The following GFPT1 variants were observed in gnomAD, a reference collection of about 807,000 sequenced individuals.
The protein encoded by GFPT1 is glutamine--fructose-6-phosphate aminotransferase [isomerizing] 1.
GFPT1 carries 40 observed loss-of-function variants against 92.0 expected under a neutral mutation model. The ratio of observed to expected loss-of-function variants is 0.43; its 90% CI spans 0.34 to 0.57. The LOEUF (loss-of-function observed/expected upper bound fraction) is 0.57. GFPT1 is among the 20% of genes least tolerant of loss of function. The pLI is 0.02. For missense variants in GFPT1, 448 were observed against 869.1 expected, an observed-to-expected ratio of 0.52 and a Z score of 6.09; for synonymous variants, 269 against 280.6, an observed-to-expected ratio of 0.96 and a Z score of 0.41.
chr2:69,367,193 T>C (rs1028678068), intron 3 of GFPT1, among the ~76,000 whole-genome samples: 1 of 152,236 alleles, frequency 6.6e-6, no homozygotes, highest in African/African-American at 2.4e-5. Flanking sequence ...TATGTTAACA[T>C]GAGACCATAA....
At chr2:69,377,755 A>C (rs1025256574) in intron 1 of GFPT1, among the ~76,000 whole-genome samples, 1 of 152,260 alleles carries the variant, frequency 6.6e-6, no homozygotes, top group African/African-American at 2.4e-5. Context: ...ATGGGAGCTA[A>C]GAAGTTGAAC....
chr2:69,332,213 A>C (rs1320002445), intron 15 of GFPT1, among the ~76,000 whole-genome samples: 2 of 151,978 alleles, frequency 1.3e-5, no homozygotes, highest in Non-Finnish European at 2.9e-5. Context: ...TGTGCTAGGA[A>C]TTTAATGCTA....
At chr2:69,333,659 G>A (rs1291001936) in intron 15 of GFPT1, among the ~76,000 whole-genome samples, 2 of 152,090 alleles carry the variant, frequency 1.3e-5, no homozygotes, top group Admixed American at 1.3e-4. Context: ...CTAAACACCT[G>A]CAATAACATA....
chr2:69,363,426 G>T, intron 4 of GFPT1, 119 bp downstream of exon 4: 2 of 1,081,838 alleles, frequency 1.8e-6, no homozygotes, highest in Non-Finnish European at 1.4e-6. Flanking sequence ...TACTACTTCT[G>T]AATGTTTGAA....
rs1399148300 is a variant in GFPT1, at chr2:69,387,077, C to T, written c.-6G>A. ...CCGGCCCCCTTACCACACATGATGCCGGAGACACGGCCCGCGAGGCCAGGG... is the reference window on the plus strand; with the variant it reads ...CCGGCCCCCTTACCACACATGATGCTGGAGACACGGCCCGCGAGGCCAGGG... On this transcript the variant is annotated 5_prime_UTR_variant, in exon 1 of 20. Transcript: ENST00000357308. 2.6e-6 allele frequency: 4 copies of T among 1,537,306 alleles called. No individual in the cohort carries two copies. The highest frequency in any genetic ancestry group is 3.5e-6 in the Non-Finnish European group (4 of 1,146,646).
chr2:69,327,971 T>A (rs1670571101), intron 18 of GFPT1, among the ~76,000 whole-genome samples: 1 of 151,668 alleles, frequency 6.6e-6, no homozygotes, highest in Admixed American at 6.6e-5. Flanking sequence ...TGGTGGAGTG[T>A]GCCTGTAATC....
At chr2:69,368,407 T>C (rs145796167) in intron 3 of GFPT1, among the ~76,000 whole-genome samples, 100 of 151,944 alleles carry the variant, frequency 6.6e-4, no homozygotes, top group African/African-American at 2.4e-3. Flanking sequence ...GTGAGTAAAG[T>C]AGACACTCAG....
chr2:69,380,986 C>CT (rs1181182952), intron 1 of GFPT1, among the ~76,000 whole-genome samples: 1,583 of 145,158 alleles, frequency 0.011, 25 homozygotes, highest in African/African-American at 0.029. Context: ...GAATTAAAGT[C>CT]TTTTTTTTTT....
At chr2:69,352,675 A>G (rs975924811) in intron 9 of GFPT1, among the ~76,000 whole-genome samples, 1 of 149,380 alleles carries the variant, frequency 6.7e-6, no homozygotes, top group African/African-American at 2.5e-5. Flanking sequence ...AATAGGCTTG[A>G]GTTTCACTGT....
Position 69,328,456 on chromosome 2 carries a change from G to A in GFPT1, c.1726-18C>T. The A allele has an allele frequency of 6.3e-7, 1 of 1,588,694 alleles. No homozygotes were observed. The highest frequency in any genetic ancestry group is 1.3e-5 in the African/African-American group (1 of 74,560). On this transcript the variant is annotated intron_variant, in intron 17 of 19. Coordinates refer to ENST00000357308, the MANE Select transcript of GFPT1 (RefSeq NM_001244710.2). ...TTGATTTTCTAATAGGAAAGAACCAGATTTGTCTTCAATCCACTTTTCAAA... is the reference window on the plus strand; with the variant it reads ...TTGATTTTCTAATAGGAAAGAACCAAATTTGTCTTCAATCCACTTTTCAAA...
Position 69,354,482 on chromosome 2 carries a change from A to C in GFPT1, c.685+7T>G. 6.4e-7 allele frequency: 1 copy of C among 1,551,016 alleles called. No individual in the cohort carries two copies. Among genetic ancestry groups the C allele is most frequent in the Non-Finnish European group, 8.9e-7 (1 of 1,122,788 alleles). ...CTACTGCACTGCATTTGTAGAGGTA[A>C]TTTTACCTGTTCTGTAGAGTATAGG... is the stretch of plus-strand genomic sequence containing the variant. On this transcript the variant is annotated splice_region_variant and intron_variant, in intron 8 of 19. Transcript: ENST00000357308.
At chr2:69,379,535 G>A (rs775007669) in intron 1 of GFPT1, among the ~76,000 whole-genome samples, 1 of 151,614 alleles carries the variant, frequency 6.6e-6, no homozygotes, top group Non-Finnish European at 1.5e-5. Context: ...TATTATTTGA[G>A]ATACATTTTC....
chr2:69,386,047 G>T, intron 1 of GFPT1, among the ~76,000 whole-genome samples: 1 of 145,966 alleles, frequency 6.9e-6, no homozygotes. Context: ...AAAAAAAAGT[G>T]TACTTTCTTC....
At chr2:69,326,305 AG>A in intron 19 of GFPT1, 72 bp from the exon 20 acceptor site, 1 of 916,878 alleles carries the variant, frequency 1.1e-6, no homozygotes, top group Non-Finnish European at 1.7e-6. Context: ...GGTTACTATA[AG>A]CAAATTATTT....
At chr2:69,370,934 A>C (rs1411060974) in intron 2 of GFPT1, among the ~76,000 whole-genome samples, 2 of 151,464 alleles carry the variant, frequency 1.3e-5, no homozygotes, top group African/African-American at 4.8e-5. Flanking sequence ...CGAGAGGTGG[A>C]GGTTGCAGTG....
At chr2:69,326,801 A>T in intron 19 of GFPT1, 113 bp downstream of exon 19, 1 of 997,892 alleles carries the variant, frequency 1.0e-6, no homozygotes, top group Non-Finnish European at 1.6e-6. Flanking sequence ...CAGGTGACAG[A>T]TATATATTTG....
At chr2:69,350,025 G>T in intron 10 of GFPT1, 53 bp downstream of exon 10, 2 of 1,192,130 alleles carry the variant, frequency 1.7e-6, no homozygotes, top group Non-Finnish European at 2.5e-6. Context: ...TGGGTTTCCT[G>T]CAGAATGAGA....
chr2:69,335,018 T>A (rs13002847), intron 15 of GFPT1, among the ~76,000 whole-genome samples: 1 of 152,136 alleles, frequency 6.6e-6, no homozygotes. Context: ...TTTTTATTTT[T>A]TTTTTTAAGA....
chr2:69,370,068 G>T lies in GFPT1; in HGVS notation c.156C>A (p.Ala52=). The T allele has an allele frequency of 6.2e-7, 1 of 1,611,772 alleles. No individual in the cohort carries two copies. Reference sequence around the variant, plus strand: ...TAATAAGCTGGATTTTGCAGGCATTGGCTTCCCAATCTTTATCATTGCCTC... The same window carrying T: ...TAATAAGCTGGATTTTGCAGGCATTTGCTTCCCAATCTTTATCATTGCCTC... ...FDGGNDKDWE[A]NACKIQLIKK... is the part of the protein sequence containing the mutation. The change falls in exon 3 of 20, where the codon GCC becomes GCA. Residue 52 remains alanine (A), a synonymous_variant. Transcript: ENST00000357308.
Sources: allele counts gnomAD v4.1 joint callset (sites outside exome capture counted in the v4.1 genomes callset), GRCh38; gene constraint gnomAD v4.1.1; transcripts MANE v1.5; gene names NCBI Gene and HGNC (gene_info 2026-07-23, HGNC 2026-07-21).